The following NRG2 variants were observed in gnomAD, a reference collection of about 807,000 sequenced individuals.
The protein encoded by NRG2 is pro-neuregulin-2, membrane-bound isoform.
A neutral mutation model predicts 73.9 loss-of-function variants in NRG2; 27 were observed. The observed-to-expected ratio is 0.37, with a 90% CI of 0.27 to 0.50. The LOEUF (loss-of-function observed/expected upper bound fraction) is 0.50. Ranked by LOEUF, NRG2 falls within the 20% of genes least tolerant of loss-of-function variation. The pLI, the probability that NRG2 is intolerant of heterozygous loss-of-function variation, is 0.96. For synonymous variants in NRG2, 532 were observed against 541.0 expected, an observed-to-expected ratio of 0.98 and a Z score of 0.23; for missense variants, 1,126 against 1,210.1, an observed-to-expected ratio of 0.93 and a Z score of 1.03.
At chr5:139,931,248 C>T (rs186442915) in intron 1 of NRG2, among the ~76,000 whole-genome samples, 155 of 152,308 alleles carry the variant, frequency 1.0e-3, no homozygotes, top group Non-Finnish European at 1.5e-3. Flanking sequence ...ATTCCCAATC[C>T]TGAAAGAGTT....
chr5:139,962,222 G>T (rs1288578770), intron 1 of NRG2, among the ~76,000 whole-genome samples: 1 of 152,180 alleles, frequency 6.6e-6, no homozygotes, highest in Admixed American at 6.5e-5. Flanking sequence ...CAAAGCCCCT[G>T]GAGCAGATCA....
intron 3 of NRG2, among the ~76,000 whole-genome samples, chr5:139,880,346 G>A (rs895785775): frequency 4.6e-5 from 7 of 152,206 alleles, no homozygotes; most frequent in Non-Finnish European, 4.4e-5. Context: ...ACTTCAAGGA[G>A]TGAGGATGGC....
intron 1 of NRG2, among the ~76,000 whole-genome samples, chr5:140,029,260 A>G (rs1251827724): frequency 1.3e-5 from 2 of 152,242 alleles, no homozygotes; most frequent in African/African-American, 4.8e-5. Flanking sequence ...ACTTTTCCCA[A>G]GTTCACACAG....
At chr5:139,857,654 G>T (rs1761890404) in intron 5 of NRG2, among the ~76,000 whole-genome samples, 1 of 151,994 alleles carries the variant, frequency 6.6e-6, no homozygotes, top group African/African-American at 2.4e-5. Context: ...TACTTGGGCT[G>T]TGTTGGGCAC....
chr5:140,024,783 C>G (rs1760549283), intron 1 of NRG2, among the ~76,000 whole-genome samples: 2 of 152,158 alleles, frequency 1.3e-5, no homozygotes, highest in African/African-American at 4.8e-5. Flanking sequence ...GAAGGAAATA[C>G]AGGGGAAGTC....
rs1473521510 is a variant in NRG2, at chr5:139,938,877, AG to A, written c.701-51367del. On this transcript the variant is annotated intron_variant, in intron 1 of 9. Transcript: ENST00000361474. ...GAGAGAGAGAGAGAGAGAGAGAGAG[AG>A]AGAAGGAAAGAAAGAAAGAAAGAAA... Among the ~76,000 whole-genome samples the A allele has an allele frequency of 1.4e-3, 125 of 91,726 alleles. 4 individuals are homozygous for A. Among genetic ancestry groups the A allele is most frequent in the African/African-American group, 6.6e-3 (106 of 16,050 alleles). 60.2% of individuals were successfully genotyped at this position (91,726 alleles called of 152,430 possible).
chr5:139,885,375 G>A (rs1020068332), intron 2 of NRG2, among the ~76,000 whole-genome samples: 2 of 152,242 alleles, frequency 1.3e-5, no homozygotes, highest in Admixed American at 1.3e-4. Context: ...AGGCCTGGAG[G>A]CCTGAGCCAG....
Position 139,848,671 on chromosome 5 carries a change from G to C in NRG2, c.1799C>G (p.Ala600Gly). The change falls in exon 10 of 10, where the codon GCG becomes GGG. Residue 600 changes from alanine to glycine, a missense_variant. This residue lies in a region of NRG2 where 539 missense variants were observed against 703.2 expected (regional missense o/e 0.77). Coordinates refer to ENST00000361474, the MANE Select transcript of NRG2 (RefSeq NM_004883.3). The part of the protein sequence containing the change: ...ERYVSALTTP[A>G]RLSPVDFHYS... ...GTGGAAGTCCACGGGCGAGAGGCGC[G>C]CGGGCGTGGTCAGGGCCGACACGTA... 2.6e-6 allele frequency: 4 copies of C among 1,563,560 alleles called. No individual in the cohort carries two copies. Among genetic ancestry groups the C allele is most frequent in the Non-Finnish European group, 3.4e-6 (4 of 1,164,252 alleles).
intron 1 of NRG2, among the ~76,000 whole-genome samples, chr5:140,019,927 A>T (rs548611863): frequency 4.3e-4 from 65 of 152,072 alleles, no homozygotes; most frequent in African/African-American, 1.5e-3. Context: ...AATTTTTGGC[A>T]TTTTTTAGTA....
At position 139,954,329 on chromosome 5, in the gene NRG2, T is replaced by A. The variant is rs145479929; in HGVS notation, c.701-66818A>T. On this transcript the variant is annotated intron_variant, in intron 1 of 9. Coordinates refer to ENST00000361474, the MANE Select transcript of NRG2 (RefSeq NM_004883.3). The surrounding 1 kb of genome is among the most constrained non-coding windows in gnomAD (Gnocchi z 5.0). ...GGCTGTCTAGCCCCAGGTCCCAAGG[T>A]CGCCCATGTCAGCACCTATAGTGGA... Among the ~76,000 whole-genome samples the A allele has an allele frequency of 8.6e-4, 131 of 152,066 alleles. 1 individual carries two copies. In the East Asian group the frequency reaches 0.011, roughly 13 times the overall value.
rs954394894 is a variant in NRG2 at position 139,865,250 on chromosome 5, C to G, written c.1189+299G>C. 8 of 1,195,716 alleles carry G rather than the reference C, an allele frequency of 6.7e-6. No homozygotes were observed. The Admixed American group carries it at 1.1e-4, about 16-fold the overall frequency. The allele number at this position is 1,195,716 out of a possible 1,614,324, so 74.1% of individuals were successfully genotyped here. A position where few individuals can be genotyped will look rare whatever the true frequency, so the allele number is the denominator to read the frequency against. On this transcript the variant is annotated intron_variant, in intron 5 of 9. Transcript: ENST00000361474. This position sits in a 1 kb window ranked among gnomAD's most constrained non-coding sequence, Gnocchi z 5.2. ...GCATTGCAACACCCCGGCACGGGCT[C>G]CTGCCAATGCCAGCTGGGTTCCTTG...
intron 1 of NRG2, among the ~76,000 whole-genome samples, chr5:139,891,941 C>T (rs1764235290): frequency 6.6e-6 from 1 of 152,216 alleles, no homozygotes; most frequent in African/African-American, 2.4e-5. Flanking sequence ...AATAACCATA[C>T]ATTTGAATCA....
At chr5:139,886,216 A>G (rs1449736480) in intron 2 of NRG2, among the ~76,000 whole-genome samples, 2 of 152,108 alleles carry the variant, frequency 1.3e-5, no homozygotes, top group Admixed American at 6.5e-5. Context: ...TCTGCTCCCC[A>G]TTCTTGGAAG....
chr5:139,896,959 T>C (rs1233432797), intron 1 of NRG2, among the ~76,000 whole-genome samples: 2 of 152,240 alleles, frequency 1.3e-5, no homozygotes, highest in Non-Finnish European at 1.5e-5. Context: ...GCTGGGTCAG[T>C]GAATGGGCTT....
At chr5:140,023,852 G>T (rs1304597731) in intron 1 of NRG2, among the ~76,000 whole-genome samples, 1 of 152,056 alleles carries the variant, frequency 6.6e-6, no homozygotes, top group African/African-American at 2.4e-5. Flanking sequence ...TGTAATCTAG[G>T]TTGCCATATG....
chr5:139,984,906 A>C (rs1757056577), intron 1 of NRG2, among the ~76,000 whole-genome samples: 1 of 152,102 alleles, frequency 6.6e-6, no homozygotes, highest in African/African-American at 2.4e-5. Context: ...TTCATGGTTT[A>C]CTTTCAGCCC....
rs186783472 is a variant in NRG2, at chr5:139,980,863, C to T, written c.700+61507G>A. Among the ~76,000 whole-genome samples, 655 of 152,326 alleles carry T rather than the reference C, an allele frequency of 4.3e-3. 8 individuals carry two copies. Among genetic ancestry groups the T allele is most frequent in the African/African-American group, 0.014 (587 of 41,570 alleles). On this transcript the variant is annotated intron_variant, in intron 1 of 9. Transcript: ENST00000361474. ...CCCTGGGGAATCTCCCTCCTACTTT[C>T]CTGTCCCAAATGGTGAAATCTATGC...
intron 3 of NRG2, among the ~76,000 whole-genome samples, chr5:139,872,116 G>A (rs1762891594): frequency 6.6e-6 from 1 of 152,222 alleles, no homozygotes; most frequent in African/African-American, 2.4e-5. Flanking sequence ...GGGGAGCAGG[G>A]TGAGAAGACA....
At chr5:139,879,833 T>C (rs1225880430) in intron 3 of NRG2, among the ~76,000 whole-genome samples, 1 of 152,026 alleles carries the variant, frequency 6.6e-6, no homozygotes, top group Non-Finnish European at 1.5e-5. Context: ...TTAGACACAG[T>C]GGCAAGGGAG....
Sources: allele counts gnomAD v4.1 joint callset (sites outside exome capture counted in the v4.1 genomes callset), GRCh38; gene constraint gnomAD v4.1.1; regional missense constraint gnomAD v4.1.1; non-coding constraint Gnocchi (gnomAD v3.1); transcripts MANE v1.5; gene names NCBI Gene and HGNC (gene_info 2026-07-23, HGNC 2026-07-21).